The following SRGAP3 variants were observed in gnomAD, a reference collection of about 807,000 sequenced individuals.
SRGAP3 encodes the protein SLIT-ROBO Rho GTPase-activating protein 3.
In SRGAP3, 39 loss-of-function variants were observed where a neutral mutation model predicts 121.1. That is an observed-to-expected ratio of 0.32 (90% CI 0.25 to 0.42). The LOEUF is 0.42. SRGAP3 is among the 10% of genes least tolerant of loss of function. The pLI is 1.00. For missense variants in SRGAP3, 1,213 were observed against 1,470.6 expected, an observed-to-expected ratio of 0.82 and a Z score of 2.86; for synonymous variants, 601 against 570.0, an observed-to-expected ratio of 1.05 and a Z score of -0.77.
intron 1 of SRGAP3, among the ~76,000 whole-genome samples, chr3:9,151,525 T>C (rs1340301689): frequency 6.6e-6 from 1 of 151,306 alleles, no homozygotes; most frequent in Non-Finnish European, 1.5e-5. Context: ...ACGAGATGGG[T>C]TGGAAAGGAG....
chr3:9,306,452 C>A (rs1337055916), intron 3 of SRGAP3, among the ~76,000 whole-genome samples: 1 of 152,032 alleles, frequency 6.6e-6, no homozygotes, highest in Non-Finnish European at 1.5e-5. Context: ...CTTTTGTTGC[C>A]CTTGCTTTTG....
chr3:9,248,721 T>C (rs1042176190), intron 1 of SRGAP3, among the ~76,000 whole-genome samples, 164 bp downstream of exon 1: 1 of 151,994 alleles, frequency 6.6e-6, no homozygotes, highest in Non-Finnish European at 1.5e-5. Context: ...TTGAAACCAG[T>C]CCGGACTTGT....
chr3:9,304,877 A>C (rs572513757), intron 3 of SRGAP3, among the ~76,000 whole-genome samples: 2 of 152,298 alleles, frequency 1.3e-5, no homozygotes, highest in East Asian at 3.9e-4. Flanking sequence ...TCTGACAGAT[A>C]CCATTCTCCA....
At chr3:9,318,811 C>T (rs535277192) in intron 3 of SRGAP3, among the ~76,000 whole-genome samples, 30 of 151,328 alleles carry the variant, frequency 2.0e-4, no homozygotes, top group East Asian at 1.9e-3. Flanking sequence ...CCTGGGAGGT[C>T]GAGGCTGCAG....
At chr3:9,332,272 A>AC (rs1409021104) in intron 1 of SRGAP3, among the ~76,000 whole-genome samples, 3 of 152,186 alleles carry the variant, frequency 2.0e-5, no homozygotes, top group Admixed American at 6.5e-5. Context: ...GGTGTGCACC[A>AC]CCACACCCAA....
chr3:9,346,843 C>T (rs974359629), intron 1 of SRGAP3, among the ~76,000 whole-genome samples: 2 of 150,078 alleles, frequency 1.3e-5, no homozygotes, highest in Admixed American at 1.3e-4. Context: ...GCAACCTCTG[C>T]CTCCTGGGTT....
At chr3:9,162,671 T>C (rs1442005848) in intron 1 of SRGAP3, among the ~76,000 whole-genome samples, 2 of 152,194 alleles carry the variant, frequency 1.3e-5, no homozygotes, top group African/African-American at 4.8e-5. Flanking sequence ...GAGCTGGCCA[T>C]GGGTGAAGCA....
chr3:9,121,815 G>A (rs1276640202), intron 2 of SRGAP3, among the ~76,000 whole-genome samples: 1 of 152,220 alleles, frequency 6.6e-6, no homozygotes. Flanking sequence ...AGATGCTCCA[G>A]CCCTACCACA....
At chr3:9,154,202 C>T (rs964504748) in intron 1 of SRGAP3, among the ~76,000 whole-genome samples, 10 of 152,150 alleles carry the variant, frequency 6.6e-5, no homozygotes, top group Non-Finnish European at 1.3e-4. Context: ...TCCCATCACA[C>T]CACACACTCT....
Position 9,278,997 on chromosome 3 carries a change from G to A in SRGAP3, n.442+47013C>T, listed in dbSNP as rs1035364809. Reference sequence around the variant, plus strand: ...AGGATTACATCCAATACCCTGGCCGGGCGTGGTGGTGCACATCTGTAATCC... The same window carrying A: ...AGGATTACATCCAATACCCTGGCCGAGCGTGGTGGTGCACATCTGTAATCC... On this transcript the variant is annotated intron_variant and non_coding_transcript_variant, in intron 3 of 3. Coordinates refer to the SRGAP3 transcript ENST00000490889. 2.0e-5 allele frequency among the ~76,000 whole-genome samples: 3 copies of A among 152,052 alleles called. No individual in the cohort carries two copies. The East Asian group carries it at 5.8e-4, about 29-fold the overall frequency.
At chr3:9,303,419 C>A (rs374751891) in intron 3 of SRGAP3, among the ~76,000 whole-genome samples, 3 of 144,080 alleles carry the variant, frequency 2.1e-5, no homozygotes, top group African/African-American at 7.7e-5. Flanking sequence ...AGTGAGACTC[C>A]ATCTCAAAAA....
intron 1 of SRGAP3, among the ~76,000 whole-genome samples, chr3:9,242,637 C>G (rs1311312526): frequency 6.6e-6 from 1 of 152,134 alleles, no homozygotes; most frequent in African/African-American, 2.4e-5. Context: ...TCCATCTAAA[C>G]AAAACAAAAC....
intron 11 of SRGAP3, 119 bp from the exon 12 acceptor site, chr3:9,032,871 AC>A (rs968434976): frequency 9.2e-6 from 8 of 868,318 alleles, no homozygotes; most frequent in African/African-American, 1.7e-5. Context: ...GAAGCCCCTG[AC>A]CCCCCGCCAA....
At chr3:9,220,934 G>C (rs1234329195) in intron 1 of SRGAP3, among the ~76,000 whole-genome samples, 1 of 152,160 alleles carries the variant, frequency 6.6e-6, no homozygotes, top group Non-Finnish European at 1.5e-5. Flanking sequence ...ACAGCCCAGG[G>C]CAGACCCCAC....
chr3:9,182,751 T>C (rs1951460179), intron 1 of SRGAP3, among the ~76,000 whole-genome samples: 1 of 152,146 alleles, frequency 6.6e-6, no homozygotes, highest in Admixed American at 6.5e-5. Flanking sequence ...ACTCTTGGGC[T>C]CAAGTGATGC....
At chr3:9,088,013 G>A (rs1390631655) in intron 3 of SRGAP3, among the ~76,000 whole-genome samples, 1 of 152,126 alleles carries the variant, frequency 6.6e-6, no homozygotes, top group Non-Finnish European at 1.5e-5. Flanking sequence ...ATTTTTGGCT[G>A]GGGTTGATTG....
At chr3:9,113,108 G>A (rs1560176736) in intron 2 of SRGAP3, among the ~76,000 whole-genome samples, 1 of 152,342 alleles carries the variant, frequency 6.6e-6, no homozygotes, top group East Asian at 1.9e-4. Flanking sequence ...TGAACATGTA[G>A]CACAGCCAGG....
chr3:9,213,648 T>G (rs1451551879), intron 1 of SRGAP3, among the ~76,000 whole-genome samples: 1 of 152,190 alleles, frequency 6.6e-6, no homozygotes, highest in African/African-American at 2.4e-5. Flanking sequence ...ACCAGAAAAT[T>G]GGTCCCATCA....
intron 1 of SRGAP3, among the ~76,000 whole-genome samples, chr3:9,150,186 C>T (rs1373402970): frequency 6.6e-6 from 1 of 151,924 alleles, no homozygotes; most frequent in African/African-American, 2.4e-5. Flanking sequence ...AAAGTAATGG[C>T]ATCTCAGCTG....
Sources: allele counts gnomAD v4.1 joint callset (sites outside exome capture counted in the v4.1 genomes callset), GRCh38; gene constraint gnomAD v4.1.1; transcripts MANE v1.5; gene names NCBI Gene and HGNC (gene_info 2026-07-23, HGNC 2026-07-21).